Variants in BET1 observed in about 807,000 individuals in gnomAD.
The protein encoded by BET1 is BET1 homolog.
In BET1, 9 loss-of-function variants were observed where a neutral mutation model predicts 13.9. The observed-to-expected ratio is 0.65, with a 90% CI of 0.39 to 1.13. The LOEUF (loss-of-function observed/expected upper bound fraction) is 1.13, where lower values mean the gene tolerates loss of function less well. BET1 is among the 50% of genes most tolerant of loss of function. The probability of loss-of-function intolerance (pLI) is 0.01; values close to 1 mark genes in which losing one functional copy is unlikely to be tolerated. For missense variants in BET1, 127 were observed against 133.6 expected (o/e 0.95, Z 0.24); for synonymous variants, 39 against 47.3 (o/e 0.82, Z 0.72).
downstream of BET1, chr7:93,992,138 T>A (rs928670238): frequency 2.7e-5 from 27 of 985,046 alleles, no homozygotes; most frequent in Non-Finnish European, 8.4e-6. Context: ...GCAGACACAG[T>A]GATGTGAAGG....
At position 93,994,124 on chromosome 7, in the gene BET1, A is replaced by T. The variant is rs1795703820; in HGVS notation, c.*106T>A. ...CAAAATTCAGCAATTTTCAATGGAAAATGCCACAGTATTTGAACACTAGGA... is the reference window on the plus strand; with the variant it reads ...CAAAATTCAGCAATTTTCAATGGAATATGCCACAGTATTTGAACACTAGGA... On this transcript the variant is annotated 3_prime_UTR_variant, in exon 4 of 4. Coordinates refer to ENST00000222547, the MANE Select transcript of BET1 (RefSeq NM_005868.6). 6.8e-6 allele frequency: 10 copies of T among 1,466,672 alleles called. No homozygotes were observed. The highest frequency in any genetic ancestry group is 2.6e-5 in the Admixed American group (1 of 38,636). The allele number at this position is 1,466,672 out of a possible 1,614,324, so 90.9% of individuals were successfully genotyped here. A position where few individuals can be genotyped will look rare whatever the true frequency, so the allele number is the denominator to read the frequency against.
chr7:93,989,063 G>C (rs969417906), downstream of BET1, among the ~76,000 whole-genome samples: 4 of 151,002 alleles, frequency 2.6e-5, no homozygotes, highest in African/African-American at 9.7e-5. Context: ...ACCCAGGCTG[G>C]AGTGCAGTGG....
In BET1 at chr7:94,004,188, C is replaced by T; in HGVS notation, c.19+10G>A. On this transcript the variant is annotated intron_variant, in intron 1 of 3. Coordinates refer to ENST00000222547, the MANE Select transcript of BET1 (RefSeq NM_005868.6). ...GGGCCCCGAACTTCGAACCTCAGCC[C>T]TCTTCTTACCCAGGCCTGCACGCCT... The T allele has an allele frequency of 6.2e-7, 1 of 1,614,044 alleles. No homozygotes were observed. The highest frequency in any genetic ancestry group is 8.5e-7 in the Non-Finnish European group (1 of 1,179,926).
intron 4 of BET1, among the ~76,000 whole-genome samples, chr7:93,984,406 GA>G (rs1273880521): frequency 6.6e-6 from 1 of 152,112 alleles, no homozygotes; most frequent in Admixed American, 6.6e-5. Flanking sequence ...GTACATTTGA[GA>G]AGAGTTGGTG....
In BET1 at chr7:94,004,264, T is replaced by A; in HGVS notation, c.-48A>T. 2 of 1,613,038 alleles carry A rather than the reference T, an allele frequency of 1.2e-6. No individual in the cohort carries two copies. The highest frequency in any genetic ancestry group is 1.1e-5 in the South Asian group (1 of 91,022). On this transcript the variant is annotated 5_prime_UTR_variant, in exon 1 of 4. Coordinates refer to ENST00000222547, the MANE Select transcript of BET1 (RefSeq NM_005868.6). Reference sequence around the variant, plus strand: ...AGGCGGGTGCGGGGCTTTGGGTGAGTAGGAAACAGCTAGGGGCGACCCGGA... The same window carrying A: ...AGGCGGGTGCGGGGCTTTGGGTGAGAAGGAAACAGCTAGGGGCGACCCGGA...
intron 4 of BET1, among the ~76,000 whole-genome samples, chr7:93,979,730 T>A (rs1473237377): frequency 6.6e-6 from 1 of 152,112 alleles, no homozygotes; most frequent in Non-Finnish European, 1.5e-5. Context: ...AGCTTCTCCC[T>A]GGGGAGTTAA....
chr7:93,994,507 A>G, intron 3 of BET1, 122 bp from the exon 4 acceptor site: 1 of 1,084,104 alleles, frequency 9.2e-7, no homozygotes, highest in Non-Finnish European at 1.3e-6. Context: ...GTGTTTAATC[A>G]ATTCAGGAGC....
chr7:93,991,673 G>T, downstream of BET1: 1 of 438,524 alleles, frequency 2.3e-6, no homozygotes, highest in Non-Finnish European at 3.0e-6. Flanking sequence ...GAGATGGAGA[G>T]GTCATCAGCC....
intron 4 of BET1, among the ~76,000 whole-genome samples, chr7:93,983,983 A>T (rs1409061467): frequency 6.6e-6 from 1 of 151,972 alleles, no homozygotes; most frequent in African/African-American, 2.4e-5. Flanking sequence ...TTTCCTAGGG[A>T]CTCTAACAAA....
rs1795682978 is a variant in BET1 at position 93,993,413 on chromosome 7, A to T, written c.*817T>A. On this transcript the variant is annotated 3_prime_UTR_variant, in exon 4 of 4. Coordinates refer to ENST00000222547, the MANE Select transcript of BET1 (RefSeq NM_005868.6). ...ACTGGATTAAAGCAATAATACTCTT[A>T]TCTTCAAGTTCAATGCCTGAGTTTC... is the stretch of plus-strand genomic sequence containing the variant. 5.1e-6 allele frequency: 5 copies of T among 983,324 alleles called. No homozygotes were observed. Among genetic ancestry groups the T allele is most frequent in the Non-Finnish European group, 6.0e-6 (5 of 827,668 alleles). The allele number at this position is 983,324 out of a possible 1,614,324, so 60.9% of individuals were successfully genotyped here. A position where few individuals can be genotyped will look rare whatever the true frequency, so the allele number is the denominator to read the frequency against.
chr7:93,986,657 T>A lies in BET1; in HGVS notation c.235+7695A>T, dbSNP rs1372680366. Among the ~76,000 whole-genome samples, 4 of 152,332 alleles carry A rather than the reference T, an allele frequency of 2.6e-5. No homozygotes were observed. The South Asian group carries it at 6.2e-4, about 24-fold the overall frequency. On this transcript the variant is annotated intron_variant and NMD_transcript_variant, in intron 4 of 6. Coordinates refer to the BET1 transcript ENST00000357520. ...TGGATTACACATCTTGCTGTAGGGC[T>A]TTGAGTGAAATGCAGACTTCTTGGC...
chr7:93,972,713 C>T (rs1795275851), intron 5 of BET1: 2 of 151,688 alleles, frequency 1.3e-5, no homozygotes, highest in African/African-American at 2.4e-5. Context: ...TTTTTGATAG[C>T]CATTTCCTAC....
chr7:94,001,630 C>T (rs951396009), intron 1 of BET1, among the ~76,000 whole-genome samples: 4 of 152,278 alleles, frequency 2.6e-5, no homozygotes, highest in Admixed American at 6.5e-5. Flanking sequence ...CATATTTTTC[C>T]GCTCAGTCAA....
Position 93,994,121 on chromosome 7 carries a change from G to A in BET1, c.*109C>T. 6.8e-7 allele frequency: 1 copy of A among 1,461,574 alleles called. No homozygotes were observed. 90.5% of individuals were successfully genotyped at this position (1,461,574 alleles called of 1,614,324 possible). A position where few individuals can be genotyped will look rare whatever the true frequency, so the allele number is the denominator to read the frequency against. On this transcript the variant is annotated 3_prime_UTR_variant, in exon 4 of 4. Transcript: ENST00000222547. Reference sequence around the variant, plus strand: ...AAGCAAAATTCAGCAATTTTCAATGGAAAATGCCACAGTATTTGAACACTA... The same window carrying A: ...AAGCAAAATTCAGCAATTTTCAATGAAAAATGCCACAGTATTTGAACACTA...
At position 93,993,989 on chromosome 7, in the gene BET1, A is replaced by G; in HGVS notation, c.*241T>C. Reference sequence around the variant, plus strand: ...CAAACAATAGAAAAACAAACTGGAAATTAGTGGAGCCACACCCTCTCACTA... The same window carrying G: ...CAAACAATAGAAAAACAAACTGGAAGTTAGTGGAGCCACACCCTCTCACTA... On this transcript the variant is annotated 3_prime_UTR_variant, in exon 4 of 4. Transcript: ENST00000222547. 6.5e-7 allele frequency: 1 copy of G among 1,530,132 alleles called. No homozygotes were observed. The allele number at this position is 1,530,132 out of a possible 1,614,324, so 94.8% of individuals were successfully genotyped here.
At chr7:93,997,499 T>C (rs1795798535) in intron 2 of BET1, among the ~76,000 whole-genome samples, 1 of 152,208 alleles carries the variant, frequency 6.6e-6, no homozygotes, top group Non-Finnish European at 1.5e-5. Flanking sequence ...TTCCAAGTGT[T>C]GTATTTTTAA....
intron 2 of BET1, among the ~76,000 whole-genome samples, chr7:93,997,619 A>G (rs576302527): frequency 1.3e-5 from 2 of 152,280 alleles, no homozygotes; most frequent in Admixed American, 1.3e-4. Flanking sequence ...ATGTAATTCG[A>G]TTTTCCAAAG....
chr7:93,982,165 T>G (rs183776744), intron 4 of BET1, among the ~76,000 whole-genome samples: 63 of 152,316 alleles, frequency 4.1e-4, no homozygotes, highest in Admixed American at 8.5e-4. Context: ...AGTAGACTAT[T>G]GGCAGAAGCT....
intron 3 of BET1, among the ~76,000 whole-genome samples, chr7:93,995,524 G>C (rs1222670985): frequency 2.6e-5 from 4 of 152,110 alleles, no homozygotes; most frequent in African/African-American, 9.7e-5. Context: ...AATCACCAGA[G>C]ATGCTTTTTT....
Sources: allele counts gnomAD v4.1 joint callset (sites outside exome capture counted in the v4.1 genomes callset), GRCh38; gene constraint gnomAD v4.1.1; transcripts MANE v1.5; gene names NCBI Gene and HGNC (gene_info 2026-07-23, HGNC 2026-07-21).